NEDD4L: variants seen among roughly 807,000 people sequenced by gnomAD.
NEDD4L encodes NEDD4 like E3 ubiquitin protein ligase.
A neutral mutation model predicts 148.9 loss-of-function variants in NEDD4L; 54 were observed. The ratio of observed to expected loss-of-function variants is 0.36; its 90% CI spans 0.29 to 0.45. The LOEUF is 0.45. Ranked by LOEUF, NEDD4L falls within the 20% of genes least tolerant of loss-of-function variation. The pLI, the probability that NEDD4L is intolerant of heterozygous loss-of-function variation, is 1.00. For missense variants in NEDD4L, 856 were observed against 1,233.8 expected (o/e 0.69, Z 4.59); for synonymous variants, 433 against 440.7 (o/e 0.98, Z 0.22).
At chr18:58,150,166 C>T (rs147253926) in intron 1 of NEDD4L, among the ~76,000 whole-genome samples, 61 of 152,310 alleles carry the variant, frequency 4.0e-4, no homozygotes, top group African/African-American at 1.5e-3. Context: ...TCTTTCAGTT[C>T]TAAATCAATG....
chr18:58,109,350 C>A (rs543549542), intron 1 of NEDD4L, among the ~76,000 whole-genome samples: 228 of 152,274 alleles, frequency 1.5e-3, no homozygotes, highest in South Asian at 6.0e-3. Flanking sequence ...CAGGCACTTG[C>A]ATTAACATTT....
At chr18:58,268,631 C>T (rs1373396821) in intron 5 of NEDD4L, among the ~76,000 whole-genome samples, 2 of 151,994 alleles carry the variant, frequency 1.3e-5, no homozygotes, top group African/African-American at 2.4e-5. Context: ...AGATGGGTAG[C>T]GGAGAGTTTT....
intron 1 of NEDD4L, among the ~76,000 whole-genome samples, chr18:58,074,695 A>G (rs930992373): frequency 6.6e-6 from 1 of 152,090 alleles, no homozygotes; most frequent in African/African-American, 2.4e-5. Flanking sequence ...AAATGAGTAA[A>G]TGATTACAAA....
At position 58,250,307 on chromosome 18, in the gene NEDD4L, G is replaced by GC. The variant is rs1439340458; in HGVS notation, c.243+1372dup. On this transcript the variant is annotated intron_variant, in intron 4 of 30. Coordinates refer to ENST00000400345, the MANE Select transcript of NEDD4L (RefSeq NM_001144967.3). ...TGGGACTATAGGCCCGTACCACCAC[G>GC]CCTGGCTAATTTTTGTATTTTTAGT... Among the ~76,000 whole-genome samples, 6 of 152,052 alleles carry GC rather than the reference G, an allele frequency of 3.9e-5. No individual in the cohort carries two copies. The East Asian group carries it at 1.2e-3, about 29-fold the overall frequency.
chr18:58,107,878 CT>C (rs1185381857), intron 1 of NEDD4L, among the ~76,000 whole-genome samples: 1 of 152,046 alleles, frequency 6.6e-6, no homozygotes, highest in African/African-American at 2.4e-5. Context: ...CTATGCCCAG[CT>C]AATTTTTTTT....
At chr18:58,045,159 T>G in intron 1 of NEDD4L, 1 of 399,032 alleles carries the variant, frequency 2.5e-6, no homozygotes, top group Non-Finnish European at 4.4e-6. Context: ...CCCCTGGAAC[T>G]TTCTCTCTCA....
At chr18:58,262,490 G>A (rs1191799166) in intron 5 of NEDD4L, among the ~76,000 whole-genome samples, 3 of 152,106 alleles carry the variant, frequency 2.0e-5, no homozygotes, top group Non-Finnish European at 4.4e-5. Flanking sequence ...CTAGCCAGGC[G>A]TGGTGGCCTC....
intron 1 of NEDD4L, among the ~76,000 whole-genome samples, chr18:58,092,933 T>C (rs554946378): frequency 6.6e-6 from 1 of 150,406 alleles, no homozygotes; most frequent in East Asian, 2.0e-4. Flanking sequence ...TGATCTCGGC[T>C]CACTGCAAGC....
intron 2 of NEDD4L, among the ~76,000 whole-genome samples, chr18:58,168,825 A>G (rs77090514): frequency 0.029 from 4,452 of 152,276 alleles, 224 homozygotes; most frequent in African/African-American, 0.1. Context: ...ATGTTTTTAA[A>G]ATCAGGGATT....
intron 1 of NEDD4L, among the ~76,000 whole-genome samples, chr18:58,156,199 T>C (rs2035472429): frequency 6.6e-6 from 1 of 152,242 alleles, no homozygotes; most frequent in South Asian, 2.1e-4. Flanking sequence ...GTAGAAGCGT[T>C]GGTGTTCTTC....
intron 1 of NEDD4L, among the ~76,000 whole-genome samples, chr18:58,114,948 CT>C (rs2085688898): frequency 6.6e-6 from 1 of 152,344 alleles, no homozygotes; most frequent in Admixed American, 6.5e-5. Context: ...TTGTGTCCAT[CT>C]GGATAATCCA....
intron 1 of NEDD4L, among the ~76,000 whole-genome samples, chr18:58,052,882 C>T (rs1854574109): frequency 1.3e-5 from 2 of 152,154 alleles, no homozygotes; most frequent in African/African-American, 4.8e-5. Context: ...AGGAGAATCG[C>T]TTGAACCTGG....
intron 22 of NEDD4L, among the ~76,000 whole-genome samples, chr18:58,368,787 T>C (rs1310367045): frequency 2.6e-5 from 4 of 152,114 alleles, no homozygotes; most frequent in Non-Finnish European, 4.4e-5. Context: ...GTAAACACTT[T>C]TTTTCCTCTA....
chr18:58,127,470 G>A (rs571286777), intron 1 of NEDD4L, among the ~76,000 whole-genome samples: 5 of 152,214 alleles, frequency 3.3e-5, no homozygotes, highest in Non-Finnish European at 7.4e-5. Context: ...CTGGGAGGCC[G>A]AGGCGGGAAG....
chr18:58,145,374 C>T (rs1414764830), intron 1 of NEDD4L, among the ~76,000 whole-genome samples: 7 of 152,196 alleles, frequency 4.6e-5, no homozygotes, highest in Admixed American at 3.9e-4. Flanking sequence ...CTGTATTTTA[C>T]TGTGAATAAT....
chr18:58,088,751 T>C (rs1341135023), intron 1 of NEDD4L, among the ~76,000 whole-genome samples: 1 of 152,226 alleles, frequency 6.6e-6, no homozygotes, highest in African/African-American at 2.4e-5. Flanking sequence ...TTGGTTTCCA[T>C]TGTTGCCCTG....
intron 2 of NEDD4L, among the ~76,000 whole-genome samples, chr18:58,238,574 A>C (rs1253183305): frequency 6.6e-6 from 1 of 152,208 alleles, no homozygotes; most frequent in Admixed American, 6.5e-5. Context: ...TGATTGTACC[A>C]TAATTTATTT....
At chr18:58,377,350 G>A (rs2047698504) in intron 24 of NEDD4L, among the ~76,000 whole-genome samples, 1 of 152,124 alleles carries the variant, frequency 6.6e-6, no homozygotes, top group African/African-American at 2.4e-5. Flanking sequence ...GTTGTCATGG[G>A]GTGAAACAGA....
intron 1 of NEDD4L, among the ~76,000 whole-genome samples, chr18:58,091,934 ACTGTGTTG>A (rs2084097188): frequency 6.6e-6 from 1 of 152,214 alleles, no homozygotes; most frequent in Non-Finnish European, 1.5e-5. Context: ...TGCCCTGGGA[ACTGTGTTG>A]CTTCCCCACT....
Sources: allele counts gnomAD v4.1 joint callset (sites outside exome capture counted in the v4.1 genomes callset), GRCh38; gene constraint gnomAD v4.1.1; transcripts MANE v1.5; gene names NCBI Gene and HGNC (gene_info 2026-07-23, HGNC 2026-07-21).